Variants in FER observed in about 807,000 individuals in gnomAD.
The protein encoded by FER is tyrosine-protein kinase Fer.
A neutral mutation model predicts 111.0 loss-of-function variants in FER; 63 were observed. The ratio of observed to expected loss-of-function variants is 0.57; its 90% CI spans 0.46 to 0.70. The LOEUF is 0.70. Among genes scored for constraint, FER ranks in the 30% least tolerant of loss-of-function variants. The pLI, the probability that FER is intolerant of heterozygous loss-of-function variation, is 0.00. For synonymous variants in FER, 327 were observed against 313.9 expected, an observed-to-expected ratio of 1.04 and a Z score of -0.44; for missense variants, 914 against 954.0, an observed-to-expected ratio of 0.96 and a Z score of 0.55.
intron 16 of FER, among the ~76,000 whole-genome samples, chr5:109,061,182 C>G (rs1774367298): frequency 6.6e-6 from 1 of 152,142 alleles, no homozygotes; most frequent in East Asian, 1.9e-4. Context: ...TAAATTTTAG[C>G]TATAACCTTG....
At chr5:108,999,749 GT>G (rs1764476559) in intron 13 of FER, among the ~76,000 whole-genome samples, 2 of 146,036 alleles carry the variant, frequency 1.4e-5, no homozygotes, top group South Asian at 4.3e-4. Context: ...TTTCAATTAT[GT>G]TACTAGATTA....
intron 9 of FER, among the ~76,000 whole-genome samples, chr5:108,889,554 G>A (rs866981905): frequency 6.6e-6 from 1 of 151,910 alleles, no homozygotes; most frequent in African/African-American, 2.4e-5. Context: ...AGGCTGGGAA[G>A]GGTAGTGGGA....
At chr5:108,767,947 T>C (rs1455725095) in intron 1 of FER, 146 bp from the exon 2 acceptor site, 1 of 152,170 alleles carries the variant, frequency 6.6e-6, no homozygotes, top group African/African-American at 2.4e-5. Flanking sequence ...ATAAGTTAGG[T>C]AAGTGTAGCA....
intron 17 of FER, among the ~76,000 whole-genome samples, chr5:109,175,642 A>G (rs536502361): frequency 5.3e-5 from 8 of 152,240 alleles, no homozygotes; most frequent in South Asian, 2.1e-4. Flanking sequence ...AAAGGAAACA[A>G]TCAGCATAGT....
Position 108,933,624 on chromosome 5 carries a change from T to C in FER, c.1237-12506T>C, listed in dbSNP as rs1247378743. ...AATTTAAACTAGTTTTTTTTCTAAT[T>C]CTATGAAGAAAGTCAATGGTAACTT... is the stretch of plus-strand genomic sequence containing the variant. On this transcript the variant is annotated intron_variant, in intron 10 of 19. Transcript: ENST00000281092. Among the ~76,000 whole-genome samples, 4 of 152,344 alleles carry C rather than the reference T, an allele frequency of 2.6e-5. No homozygotes were observed. The East Asian group carries it at 7.7e-4, about 29-fold the overall frequency.
chr5:108,794,534 C>G (rs920759429), intron 2 of FER, among the ~76,000 whole-genome samples: 3 of 124,294 alleles, frequency 2.4e-5, no homozygotes, highest in African/African-American at 2.7e-5. Context: ...GCACCCCCCC[C>G]CCTCCCCGCA....
intron 2 of FER, among the ~76,000 whole-genome samples, chr5:108,793,712 T>C (rs1755671003): frequency 6.6e-6 from 1 of 152,178 alleles, no homozygotes; most frequent in Non-Finnish European, 1.5e-5. Flanking sequence ...CTTTTTCCTT[T>C]CCTGTCTTCC....
intron 13 of FER, among the ~76,000 whole-genome samples, chr5:109,009,154 T>A (rs1765902522): frequency 6.6e-6 from 1 of 150,814 alleles, no homozygotes; most frequent in Admixed American, 6.6e-5. Flanking sequence ...TTTAAGCTAT[T>A]CTCCTGCCTT....
At chr5:109,004,878 T>C (rs537507378) in intron 13 of FER, among the ~76,000 whole-genome samples, 1 of 152,280 alleles carries the variant, frequency 6.6e-6, no homozygotes, top group East Asian at 1.9e-4. Flanking sequence ...TATTAATAAG[T>C]ATCATATTAC....
At chr5:108,940,641 T>G (rs1418155323) in intron 10 of FER, among the ~76,000 whole-genome samples, 1 of 152,034 alleles carries the variant, frequency 6.6e-6, no homozygotes, top group Non-Finnish European at 1.5e-5. Context: ...TAGGCCGATG[T>G]GAAAGATTAG....
At chr5:108,862,988 G>A (rs966400421) in intron 5 of FER, among the ~76,000 whole-genome samples, 5 of 152,134 alleles carry the variant, frequency 3.3e-5, no homozygotes, top group Admixed American at 1.3e-4. Context: ...ATATTGTCAG[G>A]TATGTACCTT....
chr5:108,980,194 C>T (rs565497635), intron 13 of FER, among the ~76,000 whole-genome samples: 45 of 152,130 alleles, frequency 3.0e-4, no homozygotes, highest in African/African-American at 9.2e-4. Context: ...GATGAAGTTA[C>T]AAATGACTGA....
At chr5:108,977,077 C>T (rs1322506938) in intron 13 of FER, among the ~76,000 whole-genome samples, 2 of 152,196 alleles carry the variant, frequency 1.3e-5, no homozygotes, top group African/African-American at 4.8e-5. Context: ...ATTAGCATCA[C>T]ACAGCATTTT....
intron 16 of FER, among the ~76,000 whole-genome samples, chr5:109,053,852 G>T (rs1026469780): frequency 6.6e-6 from 1 of 151,666 alleles, no homozygotes; most frequent in African/African-American, 2.4e-5. Flanking sequence ...TACCATGCCC[G>T]GCTAATTTTT....
intron 3 of FER, among the ~76,000 whole-genome samples, chr5:108,831,418 G>C (rs935457924): frequency 1.3e-5 from 2 of 151,774 alleles, no homozygotes; most frequent in South Asian, 4.2e-4. Flanking sequence ...GTTTTATACT[G>C]TTTGCATCTT....
At chr5:108,904,554 G>A (rs780353902) in intron 10 of FER, among the ~76,000 whole-genome samples, 1 of 152,158 alleles carries the variant, frequency 6.6e-6, no homozygotes, top group Non-Finnish European at 1.5e-5. Flanking sequence ...ACAGACCCAC[G>A]TAGGACTTCA....
chr5:108,754,496 G>A (rs1248431831), intron 1 of FER, among the ~76,000 whole-genome samples: 1 of 150,634 alleles, frequency 6.6e-6, no homozygotes, highest in Non-Finnish European at 1.5e-5. Flanking sequence ...AGGGACCCAA[G>A]TTATTTCCAC....
At chr5:108,844,729 C>G (rs1456170650) in intron 5 of FER, among the ~76,000 whole-genome samples, 2 of 151,726 alleles carry the variant, frequency 1.3e-5, no homozygotes, top group African/African-American at 4.8e-5. Context: ...GTTTTCATTT[C>G]TTAGAATATT....
At chr5:108,748,186 G>A (rs1330196417) in intron 1 of FER, among the ~76,000 whole-genome samples, 186 bp downstream of exon 1, 8 of 152,218 alleles carry the variant, frequency 5.3e-5, no homozygotes, top group Non-Finnish European at 1.0e-4. Flanking sequence ...CCATTCTAAA[G>A]CAATCCACGT....
Sources: allele counts gnomAD v4.1 joint callset (sites outside exome capture counted in the v4.1 genomes callset), GRCh38; gene constraint gnomAD v4.1.1; transcripts MANE v1.5; gene names NCBI Gene and HGNC (gene_info 2026-07-23, HGNC 2026-07-21).